The following SCN11A variants were observed in gnomAD, a reference collection of about 807,000 sequenced individuals.
SCN11A encodes the protein sodium voltage-gated channel alpha subunit 11, also known as sodium channel protein type 11 subunit alpha.
Under a neutral mutation model 162.2 loss-of-function variants are expected in SCN11A, and 122 were observed. The observed-to-expected ratio is 0.75, with a 90% CI of 0.65 to 0.87. SCN11A has a LOEUF of 0.87. Ranked by LOEUF, SCN11A falls within the 40% of genes least tolerant of loss-of-function variation. The pLI, the probability that SCN11A is intolerant of heterozygous loss-of-function variation, is 0.00. For synonymous variants in SCN11A, 758 were observed against 751.5 expected (o/e 1.01, Z -0.14); for missense variants, 2,015 against 2,181.6 (o/e 0.92, Z 1.52).
intron 2 of SCN11A, among the ~76,000 whole-genome samples, chr3:39,021,072 T>C (rs1043403541): frequency 6.6e-6 from 1 of 152,076 alleles, no homozygotes; most frequent in Non-Finnish European, 1.5e-5. Context: ...CACATTAAAA[T>C]TTTAATAAGT....
chr3:38,934,098 C>A, intron 7 of SCN11A, among the ~76,000 whole-genome samples: 1 of 152,180 alleles, frequency 6.6e-6, no homozygotes, highest in Non-Finnish European at 1.5e-5. Context: ...GAATTTTCAA[C>A]CCAGAATTTC....
chr3:38,935,017 T>A (rs569961837), intron 7 of SCN11A, among the ~76,000 whole-genome samples: 12 of 152,048 alleles, frequency 7.9e-5, no homozygotes, highest in Non-Finnish European at 1.2e-4. Context: ...TCAGAAATTA[T>A]AACAAACTGT....
chr3:39,028,700 C>T (rs565423320), intron 2 of SCN11A, among the ~76,000 whole-genome samples: 14 of 152,292 alleles, frequency 9.2e-5, no homozygotes, highest in African/African-American at 2.9e-4. Context: ...AATGGCATCA[C>T]ATGGCAAGAG....
At chr3:38,993,879 G>C (rs913943149) in intron 2 of SCN11A, among the ~76,000 whole-genome samples, 5 of 152,130 alleles carry the variant, frequency 3.3e-5, no homozygotes, top group Non-Finnish European at 5.9e-5. Flanking sequence ...TAACACCACT[G>C]GGGGCAAGTT....
intron 16 of SCN11A, among the ~76,000 whole-genome samples, chr3:38,902,504 A>T (rs73826399): frequency 0.016 from 2,395 of 148,958 alleles, 64 homozygotes; most frequent in African/African-American, 0.057. Context: ...CAGGTACCTG[A>T]CTCTAGTGCA....
At chr3:38,984,437 G>C (rs1015651773) in intron 2 of SCN11A, among the ~76,000 whole-genome samples, 4 of 152,166 alleles carry the variant, frequency 2.6e-5, no homozygotes, top group Admixed American at 2.0e-4. Context: ...TGAGGACAAG[G>C]GGGTAGATGG....
intron 2 of SCN11A, among the ~76,000 whole-genome samples, chr3:38,974,739 C>A (rs2066838729): frequency 7.1e-6 from 1 of 141,722 alleles, no homozygotes; most frequent in Admixed American, 6.9e-5. Flanking sequence ...GAAAAGAAGG[C>A]CTAATTCAAG....
chr3:38,914,426 A>T, intron 11 of SCN11A, among the ~76,000 whole-genome samples: 1 of 152,156 alleles, frequency 6.6e-6, no homozygotes, highest in East Asian at 1.9e-4. Context: ...GATTCATGTT[A>T]TCTGCAAACA....
At chr3:38,908,440 C>A (rs1017238528) in intron 13 of SCN11A, among the ~76,000 whole-genome samples, 7 of 152,150 alleles carry the variant, frequency 4.6e-5, no homozygotes, top group African/African-American at 1.7e-4. Context: ...TAAGCACTTA[C>A]GATGGGCATC....
chr3:38,897,324 G>A, intron 17 of SCN11A, 99 bp from the exon 18 acceptor site: 1 of 1,210,722 alleles, frequency 8.3e-7, no homozygotes, highest in Non-Finnish European at 1.1e-6. Context: ...CCAAACTTAT[G>A]ACATCCAAAA....
At chr3:38,902,201 T>C (rs1180355486) in intron 16 of SCN11A, among the ~76,000 whole-genome samples, 3 of 152,218 alleles carry the variant, frequency 2.0e-5, no homozygotes, top group Admixed American at 1.3e-4. Context: ...CACAGCTTGC[T>C]GCCTTCAACT....
intron 13 of SCN11A, among the ~76,000 whole-genome samples, chr3:38,908,789 C>T (rs2065841042): frequency 6.6e-6 from 1 of 152,116 alleles, no homozygotes; most frequent in South Asian, 2.1e-4. Context: ...CAAGCGTTCC[C>T]CGTTTTGAAG....
chr3:38,918,913 A>G (rs575753817), intron 11 of SCN11A, among the ~76,000 whole-genome samples: 1 of 152,252 alleles, frequency 6.6e-6, no homozygotes, highest in African/African-American at 2.4e-5. Context: ...TAGTTAGGCA[A>G]TTTTGTTGTA....
intron 2 of SCN11A, among the ~76,000 whole-genome samples, chr3:38,975,425 A>G (rs149891479): frequency 5.7e-4 from 87 of 152,352 alleles, no homozygotes; most frequent in Non-Finnish European, 1.1e-3. Flanking sequence ...TAAGCTGGAA[A>G]TAAAATATGG....
chr3:38,920,068 T>C, intron 10 of SCN11A, 67 bp from the exon 11 acceptor site: 1 of 1,167,916 alleles, frequency 8.6e-7, no homozygotes, highest in Admixed American at 1.8e-5. Flanking sequence ...GAATAGTAAG[T>C]ATGCAGATTA....
At chr3:39,035,832 G>C (rs1304590893) in intron 1 of SCN11A, among the ~76,000 whole-genome samples, 1 of 152,152 alleles carries the variant, frequency 6.6e-6, no homozygotes, top group Non-Finnish European at 1.5e-5. Flanking sequence ...GTAGAGACAG[G>C]GTTTCACCAT....
rs975892729 is a variant in SCN11A at position 38,907,888 on chromosome 3, C to A, written c.1473+61G>T. On this transcript the variant is annotated intron_variant, in intron 14 of 29. Coordinates refer to ENST00000302328, the MANE Select transcript of SCN11A (RefSeq NM_001349253.2). The stretch of plus-strand genomic sequence containing the variant: ...AAATGAATTATTTCAATTTGATTGG[C>A]AATTGGACCTGTCCCCCTGGACAGC... 4 of 1,382,240 alleles carry A rather than the reference C, an allele frequency of 2.9e-6. No homozygotes were observed. The African/African-American group carries it at 5.9e-5, about 20-fold the overall frequency. 85.6% of individuals were successfully genotyped at this position (1,382,240 alleles called of 1,614,324 possible).
chr3:38,876,629 C>G (rs2126100396), intron 23 of SCN11A, among the ~76,000 whole-genome samples: 1 of 152,214 alleles, frequency 6.6e-6, no homozygotes, highest in South Asian at 2.1e-4. Flanking sequence ...CACTAATTAT[C>G]AGGGAAATAC....
chr3:38,938,550 ATTTTTTTTTTTTT>A (rs71085342), intron 7 of SCN11A, among the ~76,000 whole-genome samples: 1 of 14,530 alleles, frequency 6.9e-5, no homozygotes, highest in African/African-American at 2.4e-4. Context: ...ATATATATAT[ATTTTTTTTTTTTT>A]TTTTTTTTTT....
Sources: gnomAD v4.1 joint callset for allele counts (sites outside exome capture counted in the v4.1 genomes callset) on GRCh38, gnomAD v4.1.1 for gene constraint, MANE v1.5 for transcripts, NCBI Gene and HGNC (gene_info 2026-07-23, HGNC 2026-07-21) for gene names.